The following MAGI2 variants were observed in gnomAD, a reference collection of about 807,000 sequenced individuals.
MAGI2 encodes the protein membrane associated guanylate kinase, WW and PDZ domain containing 2.
MAGI2 carries 35 observed loss-of-function variants against 133.3 expected under a neutral mutation model. That is an observed-to-expected ratio of 0.26 (90% CI 0.20 to 0.35). MAGI2 has a LOEUF of 0.35. Among genes scored for constraint, MAGI2 ranks in the 10% least tolerant of loss-of-function variants. The pLI is 1.00. For missense variants in MAGI2, 1,636 were observed against 1,863.4 expected (o/e 0.88, Z 2.25); for synonymous variants, 729 against 710.6 (o/e 1.03, Z -0.41).
intron 6 of MAGI2, among the ~76,000 whole-genome samples, chr7:78,423,140 T>C (rs1798949206): frequency 6.6e-6 from 1 of 152,232 alleles, no homozygotes; most frequent in African/African-American, 2.4e-5. Flanking sequence ...CTCCTACAAT[T>C]CCCATGTATT....
chr7:79,360,174 G>A (rs1455227138), intron 1 of MAGI2, among the ~76,000 whole-genome samples: 3 of 152,098 alleles, frequency 2.0e-5, no homozygotes, highest in Non-Finnish European at 4.4e-5. Flanking sequence ...TATTTTGTAA[G>A]TGTAAATACC....
At chr7:78,760,053 T>C (rs1410603632) in intron 2 of MAGI2, among the ~76,000 whole-genome samples, 3 of 151,946 alleles carry the variant, frequency 2.0e-5, no homozygotes, top group Non-Finnish European at 4.4e-5. Context: ...AAGGTGGAGG[T>C]TGCAGCGAGC....
At chr7:78,274,037 G>T (rs752853792) in intron 9 of MAGI2, among the ~76,000 whole-genome samples, 18 of 152,162 alleles carry the variant, frequency 1.2e-4, no homozygotes, top group Non-Finnish European at 2.2e-4. Context: ...GGAATTTTCA[G>T]CCTTTTTGCA....
At chr7:79,422,042 A>C (rs1373108786) in intron 1 of MAGI2, among the ~76,000 whole-genome samples, 1 of 152,048 alleles carries the variant, frequency 6.6e-6, no homozygotes, top group Non-Finnish European at 1.5e-5. Flanking sequence ...CAAATGCAGC[A>C]TCTGAAGAAT....
In MAGI2 at chr7:78,627,152, C is replaced by G. The variant is rs1196166734; in HGVS notation, c.506G>C (p.Ser169Thr). 1 of 1,597,738 alleles carries G rather than the reference C, an allele frequency of 6.3e-7. No individual in the cohort carries two copies. Among genetic ancestry groups the G allele is most frequent in the African/African-American group, 1.4e-5 (1 of 73,788 alleles). Residue 169 changes from serine to threonine, a missense_variant, in exon 3 of 22, where the codon AGT (serine) becomes ACT (threonine). Around this residue, in one of 5 missense-constraint regions of MAGI2, gnomAD observed 148 missense variants for 239.0 expected, o/e 0.62. Coordinates refer to ENST00000354212, the MANE Select transcript of MAGI2 (RefSeq NM_012301.4). The part of the protein sequence containing the change: ...TVEDFMELEK[S>T]GALLESGTYE... ...AGTCCCACTTTCTAGGAGAGCACCA[C>G]TTTTCTCCAATTCCATAAAATCTTC...
intron 9 of MAGI2, among the ~76,000 whole-genome samples, chr7:78,279,257 C>G (rs957539666): frequency 7.2e-5 from 11 of 152,024 alleles, no homozygotes; most frequent in Admixed American, 1.3e-4. Flanking sequence ...CACAGAAATA[C>G]AGCTTATGTC....
chr7:78,840,892 A>T (rs908139755), intron 2 of MAGI2, among the ~76,000 whole-genome samples: 3 of 151,874 alleles, frequency 2.0e-5, no homozygotes, highest in South Asian at 2.1e-4. Context: ...ATGTTATCAT[A>T]AACATTTAAG....
At chr7:78,787,004 T>C (rs904958348) in intron 2 of MAGI2, among the ~76,000 whole-genome samples, 3 of 151,868 alleles carry the variant, frequency 2.0e-5, no homozygotes, top group Non-Finnish European at 2.9e-5. Flanking sequence ...AGCTGGAGTG[T>C]AGTGGCGCGA....
intron 3 of MAGI2, among the ~76,000 whole-genome samples, chr7:78,622,478 A>G (rs1372318903): frequency 6.6e-6 from 1 of 152,066 alleles, no homozygotes; most frequent in Admixed American, 6.6e-5. Flanking sequence ...GGAACCATTA[A>G]TTGCTAGGTT....
At chr7:78,430,871 A>C (rs761354804) in intron 6 of MAGI2, among the ~76,000 whole-genome samples, 1 of 152,138 alleles carries the variant, frequency 6.6e-6, no homozygotes, top group African/African-American at 2.4e-5. Flanking sequence ...TAGTTGACTC[A>C]ATTCTCTAAG....
At position 78,159,880 on chromosome 7, in the gene MAGI2, G is replaced by T. The variant is rs569897843; in HGVS notation, c.2845+145C>A. 1.0e-3 allele frequency: 1,032 copies of T among 1,032,650 alleles called. 1 individual carries two copies. Among genetic ancestry groups the T allele is most frequent in the Admixed American group, 1.5e-3 (53 of 34,866 alleles). The allele number at this position is 1,032,650 out of a possible 1,614,324, so 64.0% of individuals were successfully genotyped here. A position where few individuals can be genotyped will look rare whatever the true frequency, so the allele number is the denominator to read the frequency against. On this transcript the variant is annotated intron_variant, in intron 16 of 21. Transcript: ENST00000354212. The stretch of plus-strand genomic sequence containing the variant: ...CTGTCTGCTAGTCAGTGGTATGGAT[G>T]CCTTATTTGTGCCCACAGCCTGTGG...
At chr7:78,992,975 T>C (rs1178821326) in intron 2 of MAGI2, among the ~76,000 whole-genome samples, 1 of 152,116 alleles carries the variant, frequency 6.6e-6, no homozygotes, top group Non-Finnish European at 1.5e-5. Context: ...AAGCAATTTT[T>C]GTCAATTGCT....
intron 1 of MAGI2, among the ~76,000 whole-genome samples, chr7:79,080,927 C>T (rs35661326): frequency 0.61 from 92,891 of 151,946 alleles, 34,725 homozygotes; most frequent in Non-Finnish European, 0.83. Flanking sequence ...CCATTGTCCA[C>T]AGCAGCCGAA....
chr7:78,670,885 A>G (rs1409377015), intron 2 of MAGI2, among the ~76,000 whole-genome samples: 1 of 152,186 alleles, frequency 6.6e-6, no homozygotes, highest in South Asian at 2.1e-4. Context: ...AAAATTTTAT[A>G]AAAATGCTTA....
Position 79,429,779 on chromosome 7 carries a change from T to C in MAGI2, c.301+23241A>G, listed in dbSNP as rs564075524. ...AAGAATCTTCTATTTTTCAGACATATTAAAACTGACTCTTTTCTAATAAAA... is the reference window on the plus strand; with the variant it reads ...AAGAATCTTCTATTTTTCAGACATACTAAAACTGACTCTTTTCTAATAAAA... On this transcript the variant is annotated intron_variant, in intron 1 of 21. Coordinates refer to ENST00000354212, the MANE Select transcript of MAGI2 (RefSeq NM_012301.4). Among the ~76,000 whole-genome samples the C allele has an allele frequency of 3.3e-5, 5 of 152,266 alleles. No individual in the cohort carries two copies. The East Asian group carries it at 9.7e-4, about 29-fold the overall frequency.
chr7:79,096,406 C>T (rs1490617454), intron 1 of MAGI2, among the ~76,000 whole-genome samples: 1 of 152,148 alleles, frequency 6.6e-6, no homozygotes, highest in East Asian at 1.9e-4. Context: ...GTACAGCTTC[C>T]TTCTATTGCT....
At chr7:78,839,227 C>T (rs73137287) in intron 2 of MAGI2, among the ~76,000 whole-genome samples, 9,992 of 152,090 alleles carry the variant, frequency 0.066, 370 homozygotes, top group Middle Eastern at 0.11. Context: ...CTCTAAACTT[C>T]AGAATTTAAA....
At chr7:79,444,514 C>T (rs145301131) in intron 1 of MAGI2, among the ~76,000 whole-genome samples, 28,921 of 152,014 alleles carry the variant, frequency 0.19, 2,933 homozygotes, top group East Asian at 0.29. Flanking sequence ...TCTTATACAC[C>T]AATAACAGAC....
At chr7:78,297,657 T>G (rs1307325843) in intron 9 of MAGI2, among the ~76,000 whole-genome samples, 2 of 151,664 alleles carry the variant, frequency 1.3e-5, no homozygotes, top group African/African-American at 2.4e-5. Context: ...CCATAAAAAA[T>G]GATTAGTTCA....
Sources: allele counts gnomAD v4.1 joint callset (sites outside exome capture counted in the v4.1 genomes callset), GRCh38; gene constraint gnomAD v4.1.1; regional missense constraint gnomAD v4.1.1; transcripts MANE v1.5; gene names NCBI Gene and HGNC (gene_info 2026-07-23, HGNC 2026-07-21).